The following INIP variants were observed in gnomAD, a reference collection of about 807,000 sequenced individuals.
The protein encoded by INIP is SOSS complex subunit C.
A neutral mutation model predicts 14.0 loss-of-function variants in INIP; 9 were observed. The observed-to-expected ratio is 0.64, with a 90% CI of 0.39 to 1.12. The LOEUF (loss-of-function observed/expected upper bound fraction) is 1.12. INIP is among the 50% of genes most tolerant of loss of function. The probability of loss-of-function intolerance (pLI) is 0.01; values close to 1 mark genes in which losing one functional copy is unlikely to be tolerated. For synonymous variants in INIP, 37 were observed against 41.5 expected (o/e 0.89, Z 0.41); for missense variants, 78 against 122.7 (o/e 0.64, Z 1.72).
intron 2 of INIP, among the ~76,000 whole-genome samples, chr9:112,707,036 C>T (rs1017891739): frequency 4.6e-5 from 7 of 152,108 alleles, no homozygotes; most frequent in African/African-American, 7.2e-5. Context: ...CTCAGCCTCC[C>T]GAGTAGCTGG....
In INIP at chr9:112,716,532, T is replaced by G; in HGVS notation, c.-47A>C. Reference sequence around the variant, plus strand: ...TGTCCAGTGGCAATTGGTCAGCACTTCACAATCACCTATAAAATATGTGTA... The same window carrying G: ...TGTCCAGTGGCAATTGGTCAGCACTGCACAATCACCTATAAAATATGTGTA... On this transcript the variant is annotated 5_prime_UTR_variant, in exon 2 of 5. Coordinates refer to ENST00000374242, the MANE Select transcript of INIP (RefSeq NM_021218.3). The G allele has an allele frequency of 6.4e-7, 1 of 1,571,292 alleles. No individual in the cohort carries two copies. Among genetic ancestry groups the G allele is most frequent in the South Asian group, 1.1e-5 (1 of 90,128 alleles).
chr9:112,688,964 A>G (rs1201131794), intron 4 of INIP, among the ~76,000 whole-genome samples: 3 of 151,890 alleles, frequency 2.0e-5, no homozygotes, highest in Admixed American at 6.6e-5. Context: ...AAAAATGTCC[A>G]AAGTCTCTAG....
At chr9:112,713,609 C>T (rs544397101) in intron 2 of INIP, among the ~76,000 whole-genome samples, 1 of 152,244 alleles carries the variant, frequency 6.6e-6, no homozygotes, top group African/African-American at 2.4e-5. Context: ...GGGAGGATCA[C>T]TTGAGCCCAG....
At chr9:112,689,392 C>T in intron 4 of INIP, 135 bp downstream of exon 4, 1 of 695,464 alleles carries the variant, frequency 1.4e-6, no homozygotes, top group Non-Finnish European at 2.5e-6. Flanking sequence ...CTTGACTGAA[C>T]ATCAGCAAAC....
At chr9:112,690,884 C>T (rs1356509048) in intron 3 of INIP, among the ~76,000 whole-genome samples, 2 of 152,102 alleles carry the variant, frequency 1.3e-5, no homozygotes, top group Non-Finnish European at 2.9e-5. Context: ...CATATTCTGG[C>T]CTGAGGGAGC....
intron 2 of INIP, among the ~76,000 whole-genome samples, chr9:112,715,767 C>T (rs970547008): frequency 6.7e-6 from 1 of 148,816 alleles, no homozygotes; most frequent in Non-Finnish European, 1.5e-5. Flanking sequence ...GAGCGAAATT[C>T]CATCTCAAAA....
At chr9:112,700,825 G>A (rs1309509459) in intron 2 of INIP, among the ~76,000 whole-genome samples, 1 of 151,852 alleles carries the variant, frequency 6.6e-6, no homozygotes, top group Non-Finnish European at 1.5e-5. Flanking sequence ...ATCAAAGGTG[G>A]AAATCTGTAA....
intron 2 of INIP, among the ~76,000 whole-genome samples, chr9:112,707,240 C>CTTT (rs745697280): frequency 4.8e-5 from 6 of 124,270 alleles, no homozygotes; most frequent in African/African-American, 1.7e-4. Context: ...TGCCCGGCCT[C>CTTT]TTTTTTTTTT....
chr9:112,687,908 A>T lies in INIP; in HGVS notation c.220-275T>A, dbSNP rs544348527. On this transcript the variant is annotated intron_variant, in intron 4 of 4. Coordinates refer to ENST00000374242, the MANE Select transcript of INIP (RefSeq NM_021218.3). ...AGACCATCCTGGCTAACGTGGTGAA[A>T]CCCCGTCTCTACTAAAAATACAAAA... 2.6e-5 allele frequency among the ~76,000 whole-genome samples: 4 copies of T among 152,014 alleles called. No homozygotes were observed. The South Asian group carries it at 6.2e-4, about 24-fold the overall frequency.
At position 112,689,533 on chromosome 9, in the gene INIP, A is replaced by G. The variant is rs748675964; in HGVS notation, c.213T>C (p.Ala71=). 2 of 1,614,068 alleles carry G rather than the reference A, an allele frequency of 1.2e-6. No individual in the cohort carries two copies. The highest frequency in any genetic ancestry group is 2.2e-5 in the South Asian group (2 of 91,078). ...TGTCAGTTACACTGCTCACCTGCAAAGCTGCCTTCTGTTGGGCTGCAATAT... is the reference window on the plus strand; with the variant it reads ...TGTCAGTTACACTGCTCACCTGCAAGGCTGCCTTCTGTTGGGCTGCAATAT... ...QQHIAAQQKA[A]LQHAHAHSSG... is the part of the protein sequence containing the mutation. The change falls in exon 4 of 5, where the codon GCT becomes GCC. Residue 71 remains alanine, a synonymous_variant. Coordinates refer to ENST00000374242, the MANE Select transcript of INIP (RefSeq NM_021218.3).
intron 3 of INIP, among the ~76,000 whole-genome samples, chr9:112,691,757 C>T (rs917066930): frequency 8.4e-4 from 128 of 152,328 alleles, no homozygotes; most frequent in Non-Finnish European, 9.8e-4. Flanking sequence ...CGCCTGTAAT[C>T]CCAGCACTTT....
intron 3 of INIP, among the ~76,000 whole-genome samples, chr9:112,692,015 GAAAAAAGAA>G (rs1024133407): frequency 2.1e-4 from 32 of 150,944 alleles, no homozygotes; most frequent in East Asian, 3.9e-4. Context: ...CAAAAAAAAA[GAAAAAAGAA>G]AAAAAAGAAA....
intron 2 of INIP, among the ~76,000 whole-genome samples, chr9:112,709,184 T>G (rs996228384): frequency 1.3e-5 from 2 of 152,088 alleles, no homozygotes; most frequent in South Asian, 4.1e-4. Context: ...CCACTTATTT[T>G]TCTTTTCTTC....
intron 2 of INIP, among the ~76,000 whole-genome samples, chr9:112,699,427 A>G (rs1838213030): frequency 6.6e-6 from 1 of 152,246 alleles, no homozygotes; most frequent in African/African-American, 2.4e-5. Flanking sequence ...GGTCAACCAC[A>G]GTACAAAAAT....
chr9:112,706,384 G>A (rs1478859128), intron 2 of INIP, among the ~76,000 whole-genome samples: 1 of 152,090 alleles, frequency 6.6e-6, no homozygotes, highest in African/African-American at 2.4e-5. Context: ...AAGCAGCTAA[G>A]ACTATAGGTG....
In INIP at chr9:112,687,023, G is replaced by A. The variant is rs1837696178; in HGVS notation, c.*515C>T. On this transcript the variant is annotated 3_prime_UTR_variant, in exon 5 of 5. Transcript: ENST00000374242. ...TTGTTTTAAAGTGAAAAAGGGGGAA[G>A]TAGTTATAAGTCCAGAAAGAATATT... 6.6e-6 allele frequency: 1 copy of A among 152,290 alleles called. No individual in the cohort carries two copies. The highest frequency in any genetic ancestry group is 1.5e-5 in the Non-Finnish European group (1 of 68,110). 9.4% of individuals were successfully genotyped at this position (152,290 alleles called of 1,614,324 possible).
At chr9:112,702,584 T>G (rs1838334025) in intron 2 of INIP, among the ~76,000 whole-genome samples, 1 of 151,998 alleles carries the variant, frequency 6.6e-6, no homozygotes, top group South Asian at 2.1e-4. Flanking sequence ...TTATTTTTTT[T>G]AGACGGAGTC....
At chr9:112,699,947 A>G (rs1049899540) in intron 2 of INIP, among the ~76,000 whole-genome samples, 3 of 152,202 alleles carry the variant, frequency 2.0e-5, no homozygotes, top group African/African-American at 7.2e-5. Context: ...ATACATAACC[A>G]TTCTGTTTAG....
At chr9:112,699,464 C>CAG (rs972131396) in intron 2 of INIP, among the ~76,000 whole-genome samples, 35 of 151,708 alleles carry the variant, frequency 2.3e-4, no homozygotes, top group East Asian at 1.2e-3. Flanking sequence ...ATAAGATATT[C>CAG]AGAGAGAGAG....
Sources: gnomAD v4.1 joint callset for allele counts (sites outside exome capture counted in the v4.1 genomes callset) on GRCh38, gnomAD v4.1.1 for gene constraint, MANE v1.5 for transcripts, NCBI Gene and HGNC (gene_info 2026-07-23, HGNC 2026-07-21) for gene names.